PTPDC1: variants seen among roughly 807,000 people sequenced by gnomAD.
PTPDC1 encodes the protein protein tyrosine phosphatase domain containing 1.
Under a neutral mutation model 75.3 loss-of-function variants are expected in PTPDC1, and 53 were observed. The ratio of observed to expected loss-of-function variants is 0.70; its 90% CI spans 0.56 to 0.88. PTPDC1 has a LOEUF of 0.88. PTPDC1 is among the 40% of genes least tolerant of loss of function. PTPDC1 has a pLI of 0.00. For missense variants in PTPDC1, 925 were observed against 998.6 expected (o/e 0.93, Z 0.99); for synonymous variants, 349 against 366.2 (o/e 0.95, Z 0.54).
At chr9:94,064,238 A>G (rs951668707) in intron 1 of PTPDC1, among the ~76,000 whole-genome samples, 1 of 152,196 alleles carries the variant, frequency 6.6e-6, no homozygotes, top group Non-Finnish European at 1.5e-5. Context: ...GAAAGATGGG[A>G]TTAACTACCA....
At chr9:94,039,339 A>G (rs1313588964) in intron 1 of PTPDC1, among the ~76,000 whole-genome samples, 1 of 152,192 alleles carries the variant, frequency 6.6e-6, no homozygotes, top group Admixed American at 6.5e-5. Flanking sequence ...AAATAAATAT[A>G]TACTAGATAT....
At chr9:94,064,892 G>T in intron 2 of PTPDC1, 1 of 1,093,562 alleles carries the variant, frequency 9.1e-7, no homozygotes, top group South Asian at 1.4e-5. Flanking sequence ...CTATATGAAT[G>T]GACACAAAAG....
intron 1 of PTPDC1, among the ~76,000 whole-genome samples, chr9:94,045,384 G>GTAAT (rs1270038634): frequency 1.3e-5 from 2 of 152,104 alleles, no homozygotes; most frequent in Non-Finnish European, 2.9e-5. Context: ...GGGTCAAATG[G>GTAAT]TAATTCTAGA....
chr9:94,055,070 C>T (rs1287814654), intron 1 of PTPDC1, among the ~76,000 whole-genome samples: 2 of 152,066 alleles, frequency 1.3e-5, no homozygotes, highest in African/African-American at 2.4e-5. Flanking sequence ...GTTCATGAAT[C>T]GTGAATAAAA....
intron 1 of PTPDC1, chr9:94,038,436 C>T (rs553017321): frequency 1.6e-5 from 5 of 322,226 alleles, no homozygotes; most frequent in South Asian, 1.4e-4. Flanking sequence ...GAATTCAGAT[C>T]GTGAATTACT....
chr9:94,053,933 G>A (rs1825857932), intron 1 of PTPDC1, among the ~76,000 whole-genome samples: 1 of 152,196 alleles, frequency 6.6e-6, no homozygotes, highest in Non-Finnish European at 1.5e-5. Flanking sequence ...GAAAAAGCCG[G>A]CATTCAGAGA....
Position 94,097,353 on chromosome 9 carries a change from A to T in PTPDC1, c.787A>T (p.Thr263Ser). Residue 263 changes from threonine (T) to serine (S), a missense_variant, in exon 6 of 9, where the codon ACG becomes TCG. Thr to Ser is a moderately conservative substitution (Grantham distance 58, BLOSUM62 1). Transcript: ENST00000620992. ...AATAGCCTGTTACTTAGTTTTTGCA[A>T]CGAGAATGACTGCTGACCAAGCAAT... ...VLIACYLVFATRMTADQAIIF... is the reference protein window; with the variant it reads ...VLIACYLVFASRMTADQAIIF... The T allele has an allele frequency of 6.2e-7, 1 of 1,610,630 alleles. No individual in the cohort carries two copies. Among genetic ancestry groups the T allele is most frequent in the Non-Finnish European group, 8.5e-7 (1 of 1,178,008 alleles).
upstream of PTPDC1, among the ~76,000 whole-genome samples, chr9:94,083,788 G>C (rs771348826): frequency 6.6e-6 from 1 of 152,160 alleles, no homozygotes; most frequent in Non-Finnish European, 1.5e-5. Context: ...ATGGTGTTTT[G>C]AGTTTTTGAG....
rs377427630 is a variant in PTPDC1 at position 94,088,251 on chromosome 9, A to G, written c.604A>G (p.Met202Val). Residue 202 changes from methionine to valine, a missense_variant, in exon 4 of 9, where the codon ATG (methionine) becomes GTG (valine). Physicochemically the swap from Met to Val is conservative, Grantham distance 21 (BLOSUM62 1). Coordinates refer to ENST00000620992, the MANE Select transcript of PTPDC1 (RefSeq NM_001253829.2). ...SGFTYLPEAF[M>V]EAGIYFYNFG... ...CTTCACATACCTTCCTGAGGCTTTCATGGAGGCTGGCAGTAAGTTCCTCCC... is the reference window on the plus strand; with the variant it reads ...CTTCACATACCTTCCTGAGGCTTTCGTGGAGGCTGGCAGTAAGTTCCTCCC... 7 of 1,613,796 alleles carry G rather than the reference A, an allele frequency of 4.3e-6. No individual in the cohort carries two copies. The South Asian group carries it at 5.5e-5, about 13-fold the overall frequency.
intron 4 of PTPDC1, 72 bp from the exon 5 acceptor site, chr9:94,095,243 GTA>G: frequency 2.5e-6 from 3 of 1,181,292 alleles, no homozygotes; most frequent in South Asian, 1.4e-5. Context: ...GTAGATCTGT[GTA>G]CTTTTCATTA....
intron 1 of PTPDC1, among the ~76,000 whole-genome samples, chr9:94,034,147 C>T (rs1363413537): frequency 6.6e-6 from 1 of 152,142 alleles, no homozygotes. Flanking sequence ...ATATGTTCCT[C>T]ACTGAGTTTA....
At chr9:94,062,952 A>T (rs1247235369) in intron 1 of PTPDC1, among the ~76,000 whole-genome samples, 1 of 152,174 alleles carries the variant, frequency 6.6e-6, no homozygotes, top group African/African-American at 2.4e-5. Flanking sequence ...TGGCTTTTCC[A>T]TTCTCTAGAG....
intron 2 of PTPDC1, among the ~76,000 whole-genome samples, chr9:94,065,594 C>T (rs528439189): frequency 6.6e-6 from 1 of 152,332 alleles, no homozygotes; most frequent in South Asian, 2.1e-4. Context: ...CAAGTCAGTT[C>T]TGTTGTGTTC....
At chr9:94,100,498 G>T (rs2118080317) in intron 6 of PTPDC1, 1 of 152,304 alleles carries the variant, frequency 6.6e-6, no homozygotes. Context: ...GTACCAGAGG[G>T]CCCTTGTGGC....
At chr9:94,048,254 ATT>A (rs1825678425) in intron 1 of PTPDC1, among the ~76,000 whole-genome samples, 1 of 151,910 alleles carries the variant, frequency 6.6e-6, no homozygotes, top group Non-Finnish European at 1.5e-5. Context: ...TAGCTTTTGA[ATT>A]TGTTTGTTCT....
chr9:94,095,561 G>A (rs1827533460), intron 5 of PTPDC1, 107 bp downstream of exon 5: 2 of 869,774 alleles, frequency 2.3e-6, no homozygotes, highest in African/African-American at 1.7e-5. Flanking sequence ...TCAAAGCTTT[G>A]GAGTCAGGTG....
intron 4 of PTPDC1, among the ~76,000 whole-genome samples, chr9:94,094,993 G>A (rs1827500123): frequency 6.6e-6 from 1 of 152,232 alleles, no homozygotes; most frequent in Non-Finnish European, 1.5e-5. Context: ...TCCCTAATGA[G>A]ATGAACCCGG....
chr9:94,036,034 T>G (rs1490234747), intron 1 of PTPDC1, among the ~76,000 whole-genome samples: 86 of 125,236 alleles, frequency 6.9e-4, no homozygotes, highest in African/African-American at 2.4e-3. Flanking sequence ...TTTTTTTTTT[T>G]GTTTTTTTTT....
At chr9:94,064,964 C>T (rs1264892368) in intron 2 of PTPDC1, 1 of 629,584 alleles carries the variant, frequency 1.6e-6, no homozygotes, top group Non-Finnish European at 2.7e-6. Context: ...GCCTTACCAT[C>T]TTGGCCTGTT....
Sources: gnomAD v4.1 joint callset for allele counts (sites outside exome capture counted in the v4.1 genomes callset) on GRCh38, gnomAD v4.1.1 for gene constraint, MANE v1.5 for transcripts, NCBI Gene and HGNC (gene_info 2026-07-23, HGNC 2026-07-21) for gene names.